The following MYH8 variants were observed in gnomAD, a reference collection of about 807,000 sequenced individuals.
The protein encoded by MYH8 is myosin heavy chain 8.
A neutral mutation model predicts 233.2 loss-of-function variants in MYH8; 168 were observed. The ratio of observed to expected loss-of-function variants is 0.72; its 90% confidence interval spans 0.64 to 0.82. The LOEUF (loss-of-function observed/expected upper bound fraction) is 0.82. MYH8 is among the 40% of genes least tolerant of loss of function. MYH8 has a pLI of 0.00. For synonymous variants in MYH8, 785 were observed against 850.6 expected, an observed-to-expected ratio of 0.92 and a Z score of 1.34; for missense variants, 1,995 against 2,327.8, an observed-to-expected ratio of 0.86 and a Z score of 2.94.
chr17:10,399,516 G>A (rs1188193209), intron 28 of MYH8, 27 bp downstream of exon 28: 1 of 1,612,574 alleles, frequency 6.2e-7, no homozygotes, highest in African/African-American at 1.3e-5. Flanking sequence ...AGTCCATGGT[G>A]TTGGGACCCA....
rs767692982 is a variant in MYH8, at chr17:10,396,587, G to T, written c.4494C>A (p.Leu1498=). ...TCTTATTTTCTCTTCTTAGCGTTTC[G>T]AGTTGATCCAGGGATTCCTCATAGA... ...KNVYEESLDQ[L]ETLRRENKNL... Residue 1498 remains leucine (L), a synonymous_variant, in exon 32 of 40, where the codon CTC becomes CTA. Coordinates refer to ENST00000403437, the MANE Select transcript of MYH8 (RefSeq NM_002472.3). This position sits in a 1 kb window ranked among gnomAD's most constrained non-coding sequence, Gnocchi z 4.2. The T allele has an allele frequency of 1.9e-6, 3 of 1,613,974 alleles. No individual in the cohort carries two copies. The highest frequency in any genetic ancestry group is 1.7e-5 in the Admixed American group (1 of 59,996).
At chr17:10,395,543 T>C in intron 33 of MYH8, 102 bp from the exon 34 acceptor site, 5 of 1,201,880 alleles carry the variant, frequency 4.2e-6, no homozygotes, top group Non-Finnish European at 6.0e-6. Flanking sequence ...TGTCTAATTT[T>C]ACAAAGTATA....
chr17:10,405,654 A>C (rs1312332328), intron 21 of MYH8, among the ~76,000 whole-genome samples: 2 of 152,178 alleles, frequency 1.3e-5, no homozygotes, highest in African/African-American at 4.8e-5. Flanking sequence ...GGATGAGGGG[A>C]GAGATGAGAT....
Position 10,401,149 on chromosome 17 carries a change from G to C in MYH8, c.3151C>G (p.Leu1051Val), listed in dbSNP as rs917329592. ...TCCAGTTTCCGCTTTGCTCTTTCTA[G>C]ATCCATTCGAAGCTTCTTTTCTTGT... ...LEQEKKLRMD[L>V]ERAKRKLEGD... The change falls in exon 25 of 40, where the codon CTA becomes GTA. Residue 1051 changes from leucine (L) to valine (V), a missense_variant. This residue lies in a region of MYH8 where 1,498 missense variants were observed against 1,680.9 expected (regional missense o/e 0.89). Transcript: ENST00000403437. The C allele has an allele frequency of 6.2e-7, 1 of 1,613,860 alleles. No homozygotes were observed. The highest frequency in any genetic ancestry group is 1.3e-5 in the African/African-American group (1 of 74,986).
At position 10,397,005 on chromosome 17, in the gene MYH8, A is replaced by T; in HGVS notation, c.4179-19T>A. On this transcript the variant is annotated intron_variant, in intron 30 of 39. Coordinates refer to ENST00000403437, the MANE Select transcript of MYH8 (RefSeq NM_002472.3). ...CTTTTTCCTGAAAAGTTAGCCAGGC[A>T]GTCAGGAGAATGGCCAAGACCAGAA... 1 of 1,614,090 alleles carries T rather than the reference A, an allele frequency of 6.2e-7. No individual in the cohort carries two copies. The highest frequency in any genetic ancestry group is 2.2e-5 in the East Asian group (1 of 44,886).
rs1597402612 is a variant in MYH8 at position 10,409,079 on chromosome 17, A to G, written c.1965+18T>C. ...CATAGAAACTGAGTAGATATTTCAA[A>G]TTAAATTTGTACTTTACCCTGAAAA... On this transcript the variant is annotated intron_variant, in intron 17 of 39. Coordinates refer to ENST00000403437, the MANE Select transcript of MYH8 (RefSeq NM_002472.3). 4 of 1,608,954 alleles carry G rather than the reference A, an allele frequency of 2.5e-6. No individual in the cohort carries two copies. The highest frequency in any genetic ancestry group is 3.4e-6 in the Non-Finnish European group (4 of 1,175,438).
In MYH8 at chr17:10,400,976, A is replaced by G; in HGVS notation, c.3255-17T>C. 1 of 1,613,666 alleles carries G rather than the reference A, an allele frequency of 6.2e-7. No homozygotes were observed. On this transcript the variant is annotated splice_polypyrimidine_tract_variant and intron_variant, in intron 25 of 39. Coordinates refer to ENST00000403437, the MANE Select transcript of MYH8 (RefSeq NM_002472.3). The surrounding 1 kb of genome is among the most constrained non-coding windows in gnomAD (Gnocchi z 4.0). ...AATTCTTTCCTTTAGACAGAAGAGC[A>G]AGACGTATTAATACTCATGTGAATT...
intron 22 of MYH8, among the ~76,000 whole-genome samples, chr17:10,402,985 T>A (rs1204873220): frequency 6.6e-6 from 1 of 152,210 alleles, no homozygotes; most frequent in Non-Finnish European, 1.5e-5. Context: ...GATGAACTGT[T>A]CTTAGCCCTT....
chr17:10,406,916 T>G lies in MYH8; in HGVS notation c.2029A>C (p.Ile677Leu), dbSNP rs1256890042. The G allele has an allele frequency of 6.2e-7, 1 of 1,614,130 alleles. No individual in the cohort carries two copies. The highest frequency in any genetic ancestry group is 8.5e-7 in the Non-Finnish European group (1 of 1,179,964). Residue 677 changes from isoleucine to leucine, a missense_variant, in exon 18 of 40, where the codon ATT (isoleucine) becomes CTT (leucine). Ile to Leu is a conservative substitution (Grantham distance 5). Transcript: ENST00000403437. ...STHPHFVRCI[I>L]PNETKTPGAM... ...CCAGGAGTTTTGGTTTCATTGGGAA[T>G]GATACACCGTACGAAGTGAGGGTGT...
intron 17 of MYH8, among the ~76,000 whole-genome samples, chr17:10,408,475 G>T (rs909596407): frequency 1.3e-5 from 2 of 152,156 alleles, no homozygotes; most frequent in African/African-American, 4.8e-5. Flanking sequence ...ATGAGACTTA[G>T]CCATACACAT....
At position 10,400,680 on chromosome 17, in the gene MYH8, TCTC is replaced by T. The variant is rs1191926786; in HGVS notation, c.3442_3444del (p.Glu1148del). 2.5e-6 allele frequency: 4 copies of T among 1,614,166 alleles called. No homozygotes were observed. The highest frequency in any genetic ancestry group is 3.4e-6 in the Non-Finnish European group (4 of 1,180,032). ...CCGGCTTCTTCCAGCCTCTCGCTGA[TCTC>T]CTCCAGTTCCCGGGAGAGGTCAGAG... On this transcript the variant is annotated inframe_deletion, in exon 27 of 40. Coordinates refer to ENST00000403437, the MANE Select transcript of MYH8 (RefSeq NM_002472.3). This position sits in a 1 kb window ranked among gnomAD's most constrained non-coding sequence, Gnocchi z 4.0.
In MYH8 at chr17:10,395,267, T is replaced by C. The variant is rs2072068764; in HGVS notation, c.4828A>G (p.Ser1610Gly). 1 of 1,614,078 alleles carries C rather than the reference T, an allele frequency of 6.2e-7. No individual in the cohort carries two copies. The highest frequency in any genetic ancestry group is 1.7e-5 in the Admixed American group (1 of 60,010). Reference protein sequence around the residue: ...MQSTLDAEIRSRNDALRVKKK... With the variant: ...MQSTLDAEIRGRNDALRVKKK... ...TTGACTCTCAGAGCATCATTTCTGC[T>C]TCTAATCTCTGCATCCAGCGTGCTC... is the stretch of plus-strand genomic sequence containing the variant. The change falls in exon 34 of 40, where the codon AGC becomes GGC. Residue 1610 changes from serine to glycine, a missense_variant. This residue lies in a region of MYH8 where 1,498 missense variants were observed against 1,680.9 expected (regional missense o/e 0.89). Transcript: ENST00000403437.
At chr17:10,418,098 T>C (rs973647607) in intron 5 of MYH8, among the ~76,000 whole-genome samples, 19 of 152,204 alleles carry the variant, frequency 1.2e-4, no homozygotes, top group African/African-American at 3.4e-4. Flanking sequence ...TCAGAAAAGA[T>C]TTTTTCCTTT....
In MYH8 at chr17:10,419,822, A is replaced by G. The variant is rs2072320380; in HGVS notation, c.210+196T>C. Among the ~76,000 whole-genome samples the G allele has an allele frequency of 6.6e-6, 1 of 152,180 alleles. No individual in the cohort carries two copies. The highest frequency in any genetic ancestry group is 1.5e-5 in the Non-Finnish European group (1 of 68,026). The stretch of plus-strand genomic sequence containing the variant: ...GGTGAAGGCCATACATAGTGGGGTG[A>G]GGTCCTGTGCGAAGTTGGGAAGGGA... On this transcript the variant is annotated intron_variant, in intron 3 of 39. Coordinates refer to ENST00000403437, the MANE Select transcript of MYH8 (RefSeq NM_002472.3). This position sits in a 1 kb window ranked among gnomAD's most constrained non-coding sequence, Gnocchi z 4.0.
rs774800683 is a variant in MYH8, at chr17:10,394,435, C to T, written c.4980G>A (p.Leu1660=). The change falls in exon 35 of 40, where the codon CTG becomes CTA. Residue 1660 remains leucine (L), a synonymous_variant. Coordinates refer to ENST00000403437, the MANE Select transcript of MYH8 (RefSeq NM_002472.3). ...CCTCCTGGCCCCGGAGAGCATCATC[C>T]AGGTGGAGCTGGGTTTCCTAATAAG... The part of the protein sequence containing the change: ...QGILKETQLH[L]DDALRGQEDL... The T allele has an allele frequency of 1.9e-6, 3 of 1,614,064 alleles. No homozygotes were observed. Among genetic ancestry groups the T allele is most frequent in the Non-Finnish European group, 2.5e-6 (3 of 1,180,042 alleles).
chr17:10,412,781 C>T, intron 12 of MYH8, 53 bp from the exon 13 acceptor site: 2 of 1,400,694 alleles, frequency 1.4e-6, no homozygotes, highest in South Asian at 1.2e-5. Context: ...TCCTCTTTTA[C>T]CTAATCTTTC....
rs2072028525 is a variant in MYH8, at chr17:10,391,919, GC to G, written c.5626del (p.Ala1876ArgfsTer3). On this transcript the variant is annotated frameshift_variant, in exon 39 of 40. Coordinates refer to ENST00000403437, the MANE Select transcript of MYH8 (RefSeq NM_002472.3). LOFTEE classifies it high-confidence loss of function. Reference protein sequence around the residue: ...RLQDLVDKLQAKVKSYKRQAE... With the variant: ...RLQDLVDKLQXKVKSYKRQAE... ...TTGTCTCTTGTATGATTTCACCTTC[GC>G]CTGTAATTTATCTACCAAGTCCTGC... 6.2e-7 allele frequency: 1 copy of G among 1,613,884 alleles called. No homozygotes were observed. The highest frequency in any genetic ancestry group is 1.3e-5 in the African/African-American group (1 of 74,930).
intron 12 of MYH8, among the ~76,000 whole-genome samples, chr17:10,412,997 T>G (rs891342129): frequency 2.0e-5 from 3 of 152,216 alleles, no homozygotes; most frequent in Non-Finnish European, 4.4e-5. Context: ...CGTCTTGCAG[T>G]TTTTTGTAAG....
At position 10,400,282 on chromosome 17, in the gene MYH8, G is replaced by C. The variant is rs2072124510; in HGVS notation, c.3735+108C>G. ...CCATAGAATGGGATATATTTGGTTAGAAAATATTTGAGTAGTGCTGTAAAA... is the reference window on the plus strand; with the variant it reads ...CCATAGAATGGGATATATTTGGTTACAAAATATTTGAGTAGTGCTGTAAAA... On this transcript the variant is annotated intron_variant, in intron 27 of 39. Transcript: ENST00000403437. This position sits in a 1 kb window ranked among gnomAD's most constrained non-coding sequence, Gnocchi z 4.0. 7.3e-7 allele frequency: 1 copy of C among 1,376,272 alleles called. No homozygotes were observed. 85.3% of individuals were successfully genotyped at this position (1,376,272 alleles called of 1,614,324 possible). A position where few individuals can be genotyped will look rare whatever the true frequency, so the allele number is the denominator to read the frequency against.
Sources: allele counts gnomAD v4.1 joint callset (sites outside exome capture counted in the v4.1 genomes callset), GRCh38; gene constraint gnomAD v4.1.1; regional missense constraint gnomAD v4.1.1; non-coding constraint Gnocchi (gnomAD v3.1); transcripts MANE v1.5; gene names NCBI Gene and HGNC (gene_info 2026-07-23, HGNC 2026-07-21).